CRACD: variants seen among roughly 807,000 people sequenced by gnomAD.
The protein encoded by CRACD is capping protein-inhibiting regulator of actin dynamics.
Under a neutral mutation model 106.8 loss-of-function variants are expected in CRACD, and 56 were observed. That is an observed-to-expected ratio of 0.52 (90% confidence interval 0.42 to 0.66). The LOEUF (loss-of-function observed/expected upper bound fraction) is 0.66. Among genes scored for constraint, CRACD ranks in the 30% least tolerant of loss-of-function variants. CRACD has a pLI of 0.00. For missense variants in CRACD, 1,730 were observed against 1,623.2 expected (o/e 1.07, Z -1.13); for synonymous variants, 754 against 670.8 (o/e 1.12, Z -1.92).
At chr4:56,110,416 C>A (rs1734080725) in intron 1 of CRACD, among the ~76,000 whole-genome samples, 1 of 152,070 alleles carries the variant, frequency 6.6e-6, no homozygotes, top group Non-Finnish European at 1.5e-5. Flanking sequence ...GGAAATAGTG[C>A]ATTTACCATG....
chr4:56,110,509 AG>A (rs1299786114), intron 1 of CRACD, among the ~76,000 whole-genome samples: 4 of 152,206 alleles, frequency 2.6e-5, no homozygotes, highest in Admixed American at 2.0e-4. Flanking sequence ...AGACTAGAGC[AG>A]GGTAGTCCAT....
At chr4:56,228,607 C>CAAAAA (rs35810086) in intron 2 of CRACD, among the ~76,000 whole-genome samples, 1 of 101,544 alleles carries the variant, frequency 9.8e-6, no homozygotes, top group Admixed American at 1.1e-4. Flanking sequence ...CCATCTCTAC[C>CAAAAA]AAAAAAAAAA....
chr4:56,227,824 C>T (rs887733906), intron 2 of CRACD, among the ~76,000 whole-genome samples: 1 of 152,202 alleles, frequency 6.6e-6, no homozygotes, highest in South Asian at 2.1e-4. Flanking sequence ...TACACACTGC[C>T]TTACAGAAGG....
intron 2 of CRACD, among the ~76,000 whole-genome samples, chr4:56,212,812 C>A (rs1388776703): frequency 6.6e-6 from 1 of 152,140 alleles, no homozygotes; most frequent in Non-Finnish European, 1.5e-5. Context: ...TTCTGTCTGA[C>A]CCAGTTAGAT....
rs140815351 is a variant in CRACD at position 56,188,622 on chromosome 4, C to CCTCTCTCTCTCT, written c.-189+9207_-189+9218dup. ...CAGCAGCTCATTTGTATCTGTCTAGCCTCTCTCTCTCTCTCTCTCTCTCTC... is the reference window on the plus strand; with the variant it reads ...CAGCAGCTCATTTGTATCTGTCTAGCCTCTCTCTCTCTCTCTCTCTCTCTCTCTCTCTCTCTC... On this transcript the variant is annotated intron_variant, in intron 2 of 10. Transcript: ENST00000682029. Among the ~76,000 whole-genome samples the CCTCTCTCTCTCT allele has an allele frequency of 1.4e-4, 17 of 121,610 alleles. 1 individual carries two copies. Among genetic ancestry groups the CCTCTCTCTCTCT allele is most frequent in the African/African-American group, 5.7e-4 (16 of 28,058 alleles). The allele number at this position is 121,610 out of a possible 152,430, so 79.8% of individuals were successfully genotyped here.
At chr4:56,246,848 T>G (rs1006876255) in intron 2 of CRACD, 2 of 152,128 alleles carry the variant, frequency 1.3e-5, no homozygotes, top group African/African-American at 4.8e-5. Flanking sequence ...ATGGCAGCAG[T>G]TTTCTAAGAC....
chr4:56,088,406 G>A (rs555421303), intron 1 of CRACD, among the ~76,000 whole-genome samples: 2 of 151,980 alleles, frequency 1.3e-5, no homozygotes, highest in South Asian at 2.1e-4. Flanking sequence ...ACGTGATCTC[G>A]GCTCCTGCAA....
intron 1 of CRACD, among the ~76,000 whole-genome samples, chr4:56,129,925 A>G (rs1734772574): frequency 6.6e-6 from 1 of 152,202 alleles, no homozygotes; most frequent in Non-Finnish European, 1.5e-5. Flanking sequence ...TCTTGAAGAT[A>G]ATGGATTTCA....
intron 1 of CRACD, among the ~76,000 whole-genome samples, chr4:56,166,314 G>A (rs1054559390): frequency 6.6e-6 from 1 of 152,156 alleles, no homozygotes; most frequent in Admixed American, 6.5e-5. Flanking sequence ...TTGTTGCAGT[G>A]CTATTTTAAA....
At chr4:56,245,345 T>A (rs2109572822) in intron 2 of CRACD, among the ~76,000 whole-genome samples, 1 of 152,340 alleles carries the variant, frequency 6.6e-6, no homozygotes, top group Non-Finnish European at 1.5e-5. Flanking sequence ...TTCTTTAGAA[T>A]GTCTAATCTC....
intron 1 of CRACD, among the ~76,000 whole-genome samples, chr4:56,137,370 C>T (rs909157597): frequency 3.3e-5 from 5 of 152,042 alleles, no homozygotes; most frequent in South Asian, 2.1e-4. Context: ...CATTGTTATG[C>T]GGCTCATGAG....
chr4:56,190,565 G>A (rs1434386212), intron 2 of CRACD, among the ~76,000 whole-genome samples: 1 of 152,186 alleles, frequency 6.6e-6, no homozygotes, highest in East Asian at 1.9e-4. Context: ...CTTGCAGGAT[G>A]TATTAGTCTG....
chr4:56,275,628 AT>A (rs1321001756), intron 3 of CRACD, among the ~76,000 whole-genome samples: 2 of 152,238 alleles, frequency 1.3e-5, no homozygotes, highest in Non-Finnish European at 2.9e-5. Flanking sequence ...AAAATGAAAA[AT>A]GTTCTTTTCA....
At chr4:56,148,103 A>G (rs1451975195) in intron 1 of CRACD, among the ~76,000 whole-genome samples, 2 of 152,086 alleles carry the variant, frequency 1.3e-5, no homozygotes, top group African/African-American at 4.8e-5. Context: ...CAAACCTGCC[A>G]ACACCTTGAT....
At chr4:56,321,808 G>C (rs934762979) in intron 8 of CRACD, among the ~76,000 whole-genome samples, 3 of 152,156 alleles carry the variant, frequency 2.0e-5, no homozygotes, top group Non-Finnish European at 4.4e-5. Context: ...TGATGATTTA[G>C]GGATATTGCA....
intron 4 of CRACD, among the ~76,000 whole-genome samples, chr4:56,306,541 A>G (rs961382608): frequency 6.6e-6 from 1 of 152,108 alleles, no homozygotes; most frequent in African/African-American, 2.4e-5. Flanking sequence ...ACAAACAAAC[A>G]GAGAAAGATG....
rs78408045 is a variant in CRACD, at chr4:56,325,013, T to C, written c.3541+747T>C. Among the ~76,000 whole-genome samples the C allele has an allele frequency of 2.4e-3, 368 of 152,268 alleles. 3 individuals carry two copies. Among genetic ancestry groups the C allele is most frequent in the East Asian group, 0.024 (124 of 5,182 alleles). ...AATATATACAAGTATGGTGTATATA[T>C]ATATCAATTTTAAAAATACAGAAAA... On this transcript the variant is annotated intron_variant, in intron 10 of 10. Coordinates refer to ENST00000682029, the MANE Select transcript of CRACD (RefSeq NM_001393381.1).
Position 56,124,927 on chromosome 4 carries a change from T to C in CRACD, c.-335-54357T>C, listed in dbSNP as rs375875550. Among the ~76,000 whole-genome samples, 160 of 152,332 alleles carry C rather than the reference T, an allele frequency of 1.1e-3. 3 individuals carry two copies. In the South Asian group the frequency reaches 0.032, roughly 30 times the overall value. On this transcript the variant is annotated intron_variant, in intron 1 of 10. Transcript: ENST00000682029. ...CCAGCTTGAGAATCCCAGTGCACTATGTGAGGACCTTTTTCTGTGATGCTG... is the reference window on the plus strand; with the variant it reads ...CCAGCTTGAGAATCCCAGTGCACTACGTGAGGACCTTTTTCTGTGATGCTG...
intron 2 of CRACD, among the ~76,000 whole-genome samples, chr4:56,180,075 A>T (rs948914838): frequency 5.3e-5 from 8 of 152,088 alleles, no homozygotes; most frequent in African/African-American, 1.9e-4. Flanking sequence ...AATTCAATGG[A>T]AACAGTGGCC....
Sources: allele counts gnomAD v4.1 joint callset (sites outside exome capture counted in the v4.1 genomes callset), GRCh38; gene constraint gnomAD v4.1.1; transcripts MANE v1.5; gene names NCBI Gene and HGNC (gene_info 2026-07-23, HGNC 2026-07-21).